WWC2: variants seen among roughly 807,000 people sequenced by gnomAD.
WWC2 encodes the protein protein WWC2.
Under a neutral mutation model 138.5 loss-of-function variants are expected in WWC2, and 101 were observed. That is an observed-to-expected ratio of 0.73 (90% CI 0.62 to 0.86). The LOEUF is 0.86. WWC2 is among the 40% of genes least tolerant of loss of function. The probability of loss-of-function intolerance (pLI) is 0.00; values close to 1 mark genes in which losing one functional copy is unlikely to be tolerated. For synonymous variants in WWC2, 558 were observed against 538.4 expected, an observed-to-expected ratio of 1.04 and a Z score of -0.50; for missense variants, 1,420 against 1,419.4, an observed-to-expected ratio of 1.00 and a Z score of -0.01.
intron 1 of WWC2, among the ~76,000 whole-genome samples, chr4:183,129,540 A>G (rs753147903): frequency 3.9e-5 from 6 of 152,212 alleles, no homozygotes; most frequent in Admixed American, 6.5e-5. Flanking sequence ...CTTTTTCCTT[A>G]TAACAAGCCA....
At chr4:183,180,830 G>A (rs1031063738) in intron 1 of WWC2, among the ~76,000 whole-genome samples, 2 of 150,910 alleles carry the variant, frequency 1.3e-5, no homozygotes, top group African/African-American at 2.4e-5. Context: ...GGGCGGGGGC[G>A]GGGAGATTTC....
intron 1 of WWC2, among the ~76,000 whole-genome samples, chr4:183,173,956 G>A (rs555303757): frequency 6.6e-6 from 1 of 152,296 alleles, no homozygotes; most frequent in East Asian, 1.9e-4. Context: ...ATCTGGCTTA[G>A]CATTTCTGTT....
rs774291953 is a variant in WWC2 at position 183,286,590 on chromosome 4, A to G, written c.3141+531A>G. Among the ~76,000 whole-genome samples the G allele has an allele frequency of 1.3e-3, 194 of 152,198 alleles. 1 individual carries two copies. Among genetic ancestry groups the G allele is most frequent in the Non-Finnish European group, 1.3e-3 (88 of 68,042 alleles). On this transcript the variant is annotated intron_variant, in intron 20 of 22. Coordinates refer to ENST00000403733, the MANE Select transcript of WWC2 (RefSeq NM_024949.6). Reference sequence around the variant, plus strand: ...CTGCATGAGCCTTAAGGATAAGTCTAAGAGAATAAATGAATTAACAGGTTG... The same window carrying G: ...CTGCATGAGCCTTAAGGATAAGTCTGAGAGAATAAATGAATTAACAGGTTG...
chr4:183,159,741 A>T (rs1012832678), intron 1 of WWC2, among the ~76,000 whole-genome samples: 4 of 149,528 alleles, frequency 2.7e-5, no homozygotes, highest in Non-Finnish European at 5.9e-5. Context: ...AAAAAAAAAA[A>T]TTGTTTACAA....
At chr4:183,268,624 G>A (rs1267460601) in intron 14 of WWC2, among the ~76,000 whole-genome samples, 1 of 152,152 alleles carries the variant, frequency 6.6e-6, no homozygotes, top group Non-Finnish European at 1.5e-5. Context: ...CCCAGGCTCA[G>A]AAATAACTTA....
intron 18 of WWC2, 94 bp from the exon 19 acceptor site, chr4:183,284,132 G>GT: frequency 6.7e-7 from 1 of 1,487,446 alleles, no homozygotes; most frequent in Non-Finnish European, 9.1e-7. Context: ...ATGAGTCTCT[G>GT]TTGTAACATT....
chr4:183,205,865 A>G lies in WWC2; in HGVS notation c.242-2088A>G, dbSNP rs1166994772. On this transcript the variant is annotated intron_variant, in intron 2 of 22. Coordinates refer to ENST00000403733, the MANE Select transcript of WWC2 (RefSeq NM_024949.6). Reference sequence around the variant, plus strand: ...GTGAGCTCGGGGAATTTATCTGCCTATAGCGTCCCAGTTGTCCTTTGCCTG... The same window carrying G: ...GTGAGCTCGGGGAATTTATCTGCCTGTAGCGTCCCAGTTGTCCTTTGCCTG... 3.9e-5 allele frequency among the ~76,000 whole-genome samples: 6 copies of G among 152,022 alleles called. No homozygotes were observed. The South Asian group carries it at 1.0e-3, about 26-fold the overall frequency.
intron 1 of WWC2, among the ~76,000 whole-genome samples, chr4:183,163,401 C>T (rs770440515): frequency 2.6e-5 from 4 of 152,146 alleles, no homozygotes; most frequent in Non-Finnish European, 2.9e-5. Context: ...AGCCCATAGC[C>T]ACAGGGGATA....
chr4:183,246,323 G>A (rs1204710632), intron 6 of WWC2, among the ~76,000 whole-genome samples: 1 of 152,032 alleles, frequency 6.6e-6, no homozygotes, highest in Non-Finnish European at 1.5e-5. Context: ...TTAGCTGAGG[G>A]ATAATTTAGT....
At chr4:183,138,121 T>C (rs943854778) in intron 1 of WWC2, among the ~76,000 whole-genome samples, 4 of 152,144 alleles carry the variant, frequency 2.6e-5, no homozygotes, top group African/African-American at 9.7e-5. Context: ...CCACATAGGG[T>C]AAAATTGGGC....
At position 183,278,124 on chromosome 4, in the gene WWC2, G is replaced by A. The variant is rs1425319859; in HGVS notation, c.2563-2652G>A. Among the ~76,000 whole-genome samples the A allele has an allele frequency of 2.0e-5, 3 of 152,124 alleles. 1 individual carries two copies. The East Asian group carries it at 5.8e-4, about 29-fold the overall frequency. On this transcript the variant is annotated intron_variant, in intron 16 of 22. Coordinates refer to ENST00000403733, the MANE Select transcript of WWC2 (RefSeq NM_024949.6). ...TTATGGTTTTAGGTCTAACATTTAA[G>A]TCTTTAATCCATATTGAATTGATTT...
intron 9 of WWC2, among the ~76,000 whole-genome samples, chr4:183,257,667 C>T (rs1350277132): frequency 2.0e-5 from 3 of 152,188 alleles, no homozygotes; most frequent in East Asian, 3.9e-4. Context: ...ATGAAATACA[C>T]GTGGATTCTG....
chr4:183,293,414 G>A (rs1243459258), intron 21 of WWC2, among the ~76,000 whole-genome samples: 1 of 152,178 alleles, frequency 6.6e-6, no homozygotes, highest in African/African-American at 2.4e-5. Flanking sequence ...ATTCAGAAAA[G>A]TATTGAGAAA....
At chr4:183,287,882 G>A (rs915114182) in intron 20 of WWC2, among the ~76,000 whole-genome samples, 1 of 152,146 alleles carries the variant, frequency 6.6e-6, no homozygotes, top group African/African-American at 2.4e-5. Flanking sequence ...CTTGAAAATG[G>A]TGATGGTAGG....
At chr4:183,134,932 A>AT (rs971495396) in intron 1 of WWC2, among the ~76,000 whole-genome samples, 47 of 144,232 alleles carry the variant, frequency 3.3e-4, no homozygotes, top group South Asian at 1.3e-3. Flanking sequence ...TATGATCTTT[A>AT]TTTTTTTTTT....
At chr4:183,238,158 A>G (rs1736487960) in intron 4 of WWC2, among the ~76,000 whole-genome samples, 1 of 152,174 alleles carries the variant, frequency 6.6e-6, no homozygotes, top group East Asian at 1.9e-4. Context: ...TCTTAAAGAA[A>G]ACTCTTCCTC....
At chr4:183,106,367 TCAATGTCTTCAGTGATTTTTTC>T (rs1178640200) in intron 1 of WWC2, among the ~76,000 whole-genome samples, 59 of 152,234 alleles carry the variant, frequency 3.9e-4, no homozygotes, top group Non-Finnish European at 7.3e-5. Context: ...CACAATGTTT[TCAATGTCTTCAGTGATTTTTTC>T]CAATTATTTT....
At chr4:183,119,731 G>A (rs1289811257) in intron 1 of WWC2, among the ~76,000 whole-genome samples, 1 of 152,176 alleles carries the variant, frequency 6.6e-6, no homozygotes, top group African/African-American at 2.4e-5. Flanking sequence ...GATATTCTGA[G>A]TTATGGGTGG....
chr4:183,164,282 A>G (rs1200878426), intron 1 of WWC2, among the ~76,000 whole-genome samples: 11 of 462 alleles, frequency 0.024, no homozygotes, highest in African/African-American at 0.031. Flanking sequence ...ATATATATAT[A>G]TATATATATA....
Sources: allele counts gnomAD v4.1 joint callset (sites outside exome capture counted in the v4.1 genomes callset), GRCh38; gene constraint gnomAD v4.1.1; transcripts MANE v1.5; gene names NCBI Gene and HGNC (gene_info 2026-07-23, HGNC 2026-07-21).